CRISPLD2: variants seen among roughly 807,000 people sequenced by gnomAD.
The protein encoded by CRISPLD2 is cysteine-rich secretory protein LCCL domain-containing 2.
A neutral mutation model predicts 71.1 loss-of-function variants in CRISPLD2; 47 were observed. The ratio of observed to expected loss-of-function variants is 0.66; its 90% CI spans 0.52 to 0.84. The LOEUF is 0.84. CRISPLD2 is among the 40% of genes least tolerant of loss of function. The pLI is 0.00. For synonymous variants in CRISPLD2, 317 were observed against 250.1 expected, an observed-to-expected ratio of 1.27 and a Z score of -2.52; for missense variants, 830 against 651.1, an observed-to-expected ratio of 1.27 and a Z score of -2.99.
chr16:84,841,521 A>G (rs1168029248), intron 2 of CRISPLD2, among the ~76,000 whole-genome samples: 2 of 151,318 alleles, frequency 1.3e-5, no homozygotes, highest in South Asian at 2.1e-4. Flanking sequence ...GAGTTTTGGT[A>G]TTGCTGAAAT....
chr16:84,844,582 C>T (rs1916859997), intron 2 of CRISPLD2, among the ~76,000 whole-genome samples: 1 of 151,888 alleles, frequency 6.6e-6, no homozygotes, highest in Non-Finnish European at 1.5e-5. Context: ...AGGCGGGTCT[C>T]CAACTCCTGA....
In CRISPLD2 at chr16:84,862,045, C is replaced by T. The variant is rs144759316; in HGVS notation, c.710-4852C>T. Among the ~76,000 whole-genome samples, 873 of 152,328 alleles carry T rather than the reference C, an allele frequency of 5.7e-3. 3 individuals carry two copies. The highest frequency in any genetic ancestry group is 0.017 in the Middle Eastern group (5 of 294). ...TGGACAGCTGGGTAGGATCAGTCCT[C>T]CCGGGCTGTTTGACCCTTTACTCCT... On this transcript the variant is annotated intron_variant, in intron 6 of 14. Coordinates refer to ENST00000262424, the MANE Select transcript of CRISPLD2 (RefSeq NM_031476.4).
chr16:84,842,276 C>G (rs1306200637), intron 2 of CRISPLD2: 1 of 134,770 alleles, frequency 7.4e-6, no homozygotes, highest in Non-Finnish European at 1.5e-5. Flanking sequence ...GTCAGTTAGC[C>G]TCCCTCCCTC....
At chr16:84,892,768 G>A (rs756403516) in intron 14 of CRISPLD2, among the ~76,000 whole-genome samples, 39 of 152,132 alleles carry the variant, frequency 2.6e-4, no homozygotes, top group Non-Finnish European at 5.1e-4. Flanking sequence ...TTGAGGTCAG[G>A]AGTTCGAGAC....
chr16:84,899,855 C>G (rs774774771), intron 14 of CRISPLD2, among the ~76,000 whole-genome samples: 1 of 152,130 alleles, frequency 6.6e-6, no homozygotes, highest in South Asian at 2.1e-4. Flanking sequence ...AATCTGCAGA[C>G]CCATAGTAAG....
chr16:84,889,385 C>T (rs1383914262), intron 14 of CRISPLD2, 22 bp downstream of exon 14: 8 of 1,594,150 alleles, frequency 5.0e-6, no homozygotes, highest in Non-Finnish European at 6.9e-6. Flanking sequence ...TTCTCCAACC[C>T]TTGACACCCA....
chr16:84,849,558 A>T, intron 4 of CRISPLD2, 41 bp downstream of exon 4: 3 of 1,600,340 alleles, frequency 1.9e-6, no homozygotes, highest in East Asian at 2.2e-5. Flanking sequence ...CTGCCCCCCA[A>T]TCCCAGTCAT....
At chr16:84,854,690 G>T (rs778571255) in intron 5 of CRISPLD2, 39 bp from the exon 6 acceptor site, 1 of 1,505,158 alleles carries the variant, frequency 6.6e-7, no homozygotes, top group Non-Finnish European at 9.3e-7. Flanking sequence ...GCCTCACGTC[G>T]TGGTTCCCTC....
chr16:84,878,399 G>A (rs1240994585), intron 12 of CRISPLD2, among the ~76,000 whole-genome samples: 1 of 139,834 alleles, frequency 7.2e-6, no homozygotes, highest in Non-Finnish European at 1.5e-5. Flanking sequence ...CTGTTGCTCT[G>A]ATTTTGCTTT....
chr16:84,824,254 T>G (rs1916298262), intron 1 of CRISPLD2, among the ~76,000 whole-genome samples: 1 of 152,168 alleles, frequency 6.6e-6, no homozygotes, highest in South Asian at 2.1e-4. Flanking sequence ...CGAGCCAGGC[T>G]CAGGGCAGCA....
intron 6 of CRISPLD2, among the ~76,000 whole-genome samples, chr16:84,862,140 G>T (rs1434226279): frequency 6.6e-6 from 1 of 152,042 alleles, no homozygotes; most frequent in African/African-American, 2.4e-5. Flanking sequence ...TGTGCTAGAG[G>T]TTTCTCGCCC....
At chr16:84,836,201 T>A (rs955741456) in intron 1 of CRISPLD2, 1 of 152,204 alleles carries the variant, frequency 6.6e-6, no homozygotes, top group African/African-American at 2.4e-5. Context: ...CCAAGATATC[T>A]CATTATGTAC....
chr16:84,837,631 A>T (rs1379246078), intron 1 of CRISPLD2, among the ~76,000 whole-genome samples: 2 of 152,018 alleles, frequency 1.3e-5, no homozygotes, highest in Non-Finnish European at 2.9e-5. Flanking sequence ...GTTAGCCAGG[A>T]TGGTCTCGAT....
Position 84,857,732 on chromosome 16 carries a change from A to G in CRISPLD2, c.709+2903A>G, listed in dbSNP as rs555514131. 1.1e-4 allele frequency among the ~76,000 whole-genome samples: 17 copies of G among 152,228 alleles called. No individual in the cohort carries two copies. The South Asian group carries it at 1.5e-3, about 13-fold the overall frequency. The stretch of plus-strand genomic sequence containing the variant: ...GGCCCTAGTCTTTTTTCATCTGTCA[A>G]CTGATCATAGGGAACTCCCCATGAG... On this transcript the variant is annotated intron_variant, in intron 6 of 14. Coordinates refer to ENST00000262424, the MANE Select transcript of CRISPLD2 (RefSeq NM_031476.4).
At chr16:84,862,229 G>A (rs768403110) in intron 6 of CRISPLD2, among the ~76,000 whole-genome samples, 4 of 151,904 alleles carry the variant, frequency 2.6e-5, no homozygotes, top group Non-Finnish European at 5.9e-5. Flanking sequence ...TTGAGTCATG[G>A]CCTCCCTTTG....
rs140659809 is a variant in CRISPLD2, at chr16:84,873,816, C to A, written c.1113-104C>A. 18 of 1,067,492 alleles carry A rather than the reference C, an allele frequency of 1.7e-5. No homozygotes were observed. In the African/African-American group the frequency reaches 2.3e-4, roughly 13 times the overall value. The allele number at this position is 1,067,492 out of a possible 1,614,324, so 66.1% of individuals were successfully genotyped here. ...GGAAACAAGTAGAAAAGTGTGAAGT[C>A]GAGACTGCAAATAAGATAAGTATAG... On this transcript the variant is annotated intron_variant, in intron 10 of 14. Coordinates refer to ENST00000262424, the MANE Select transcript of CRISPLD2 (RefSeq NM_031476.4).
intron 2 of CRISPLD2, 129 bp from the exon 3 acceptor site, chr16:84,845,657 C>T (rs1441038305): frequency 1.6e-5 from 11 of 700,696 alleles, no homozygotes; most frequent in Non-Finnish European, 2.7e-5. Flanking sequence ...TTTAGGAACC[C>T]AGCAATACAG....
chr16:84,851,679 C>T (rs183950577), intron 5 of CRISPLD2, among the ~76,000 whole-genome samples: 5 of 152,264 alleles, frequency 3.3e-5, no homozygotes, highest in East Asian at 3.9e-4. Context: ...CTGGGAGGGA[C>T]GCAGGCACCA....
intron 11 of CRISPLD2, among the ~76,000 whole-genome samples, chr16:84,875,639 C>G (rs372654944): frequency 6.6e-5 from 10 of 151,818 alleles, no homozygotes; most frequent in African/African-American, 2.4e-4. Context: ...TCACTGCAAC[C>G]TCCTCCTCAT....
Sources: gnomAD v4.1 joint callset for allele counts (sites outside exome capture counted in the v4.1 genomes callset) on GRCh38, gnomAD v4.1.1 for gene constraint, MANE v1.5 for transcripts, NCBI Gene and HGNC (gene_info 2026-07-23, HGNC 2026-07-21) for gene names.